The following PHF3 variants were observed in gnomAD, a reference collection of about 807,000 sequenced individuals.
PHF3 encodes PHD finger protein 3.
Under a neutral mutation model 178.4 loss-of-function variants are expected in PHF3, and 41 were observed. The observed-to-expected ratio is 0.23, with a 90% CI of 0.18 to 0.30. The LOEUF (loss-of-function observed/expected upper bound fraction) is 0.30, where lower values mean the gene tolerates loss of function less well. Ranked by LOEUF, PHF3 falls within the 10% of genes least tolerant of loss-of-function variation. The pLI, the probability that PHF3 is intolerant of heterozygous loss-of-function variation, is 1.00. For missense variants in PHF3, 2,346 were observed against 2,398.1 expected, an observed-to-expected ratio of 0.98 and a Z score of 0.45; for synonymous variants, 842 against 800.5, an observed-to-expected ratio of 1.05 and a Z score of -0.88.
intron 1 of PHF3, among the ~76,000 whole-genome samples, chr6:63,644,584 A>G (rs1764701714): frequency 6.6e-6 from 1 of 152,184 alleles, no homozygotes; most frequent in South Asian, 2.1e-4. Flanking sequence ...GCAAATCTGT[A>G]AAGTAGTTAG....
chr6:63,643,787 C>T (rs1764673039), intron 1 of PHF3, among the ~76,000 whole-genome samples: 1 of 152,070 alleles, frequency 6.6e-6, no homozygotes, highest in Non-Finnish European at 1.5e-5. Context: ...AAACTTGACC[C>T]ATTTTATTTA....
intron 2 of PHF3, among the ~76,000 whole-genome samples, chr6:63,673,259 T>C (rs1212861044): frequency 2.0e-5 from 3 of 152,146 alleles, no homozygotes; most frequent in Non-Finnish European, 2.9e-5. Flanking sequence ...AGAAAAGGAT[T>C]GAAAAGATAC....
intron 2 of PHF3, among the ~76,000 whole-genome samples, chr6:63,647,111 A>G (rs939202503): frequency 2.6e-5 from 4 of 152,068 alleles, no homozygotes; most frequent in African/African-American, 9.6e-5. Context: ...TTACATCATG[A>G]CAACAGGTGT....
Position 63,685,253 on chromosome 6 carries a change from G to T in PHF3, c.1531G>T (p.Ala511Ser), listed in dbSNP as rs181007367. ...MTTDAPKKIV[A>S]AKYEVIHSKT... ...CACAGATGCTCCGAAGAAAATTGTTGCAGCAAAGTATGAAGTAATACATAG... is the reference window on the plus strand; with the variant it reads ...CACAGATGCTCCGAAGAAAATTGTTTCAGCAAAGTATGAAGTAATACATAG... The change falls in exon 4 of 16, where the codon GCA becomes TCA. Residue 511 changes from alanine (A) to serine (S), a missense_variant. Transcript: ENST00000262043. 6.2e-7 allele frequency: 1 copy of T among 1,613,940 alleles called. No individual in the cohort carries two copies. Among genetic ancestry groups the T allele is most frequent in the East Asian group, 2.2e-5 (1 of 44,868 alleles).
chr6:63,700,194 A>C (rs1469685148), intron 8 of PHF3, among the ~76,000 whole-genome samples, 156 bp from the exon 9 acceptor site: 1 of 152,174 alleles, frequency 6.6e-6, no homozygotes, highest in Non-Finnish European at 1.5e-5. Flanking sequence ...CCTAGAACAC[A>C]AAGCTGTCAT....
At chr6:63,680,371 A>G (rs2149578275) in intron 3 of PHF3, among the ~76,000 whole-genome samples, 1 of 151,378 alleles carries the variant, frequency 6.6e-6, no homozygotes, top group South Asian at 2.1e-4. Context: ...CCCCAGGGGA[A>G]ACCACTAGTA....
intron 2 of PHF3, among the ~76,000 whole-genome samples, chr6:63,677,186 G>C (rs771014338): frequency 2.6e-5 from 4 of 152,078 alleles, no homozygotes. Flanking sequence ...CATGAGCTTC[G>C]GGCTGGAGAA....
Position 63,712,591 on chromosome 6 carries a change from A to G in PHF3, c.5003A>G (p.Lys1668Arg). 2 of 1,613,952 alleles carry G rather than the reference A, an allele frequency of 1.2e-6. No homozygotes were observed. The highest frequency in any genetic ancestry group is 8.5e-7 in the Non-Finnish European group (1 of 1,179,948). The change falls in exon 16 of 16, where the codon AAA becomes AGA. Residue 1668 changes from lysine to arginine, a missense_variant. By Grantham distance (26) the Lys-to-Arg change is conservative. Around this residue, in one of 8 missense-constraint regions of PHF3, gnomAD observed 839 missense variants for 806.9 expected, o/e 1.04. Coordinates refer to ENST00000262043, the MANE Select transcript of PHF3 (RefSeq NM_001370348.2). ...CAGCCTGTAACTACTTCAGAAAGCA[A>G]AGATGGAGATAGTTGCCGGAATGGA... ...RSQPVTTSES[K>R]DGDSCRNGEK...
rs777987645 is a variant in PHF3, at chr6:63,723,764, T to G, written c.*10056T>G. Among the ~76,000 whole-genome samples, 1 of 150,284 alleles carries G rather than the reference T, an allele frequency of 6.7e-6. No individual in the cohort carries two copies. The highest frequency in any genetic ancestry group is 1.5e-5 in the Non-Finnish European group (1 of 67,690). ...ATTGCGTTAGGATATGATGCTCTAG[T>G]TATGGGTCATAAGTACACATTGGCA... On this transcript the variant is annotated 3_prime_UTR_variant, in exon 16 of 16. Transcript: ENST00000262043.
chr6:63,706,307 G>C (rs2149606480), intron 12 of PHF3, 83 bp downstream of exon 12: 1 of 1,082,354 alleles, frequency 9.2e-7, no homozygotes, highest in Middle Eastern at 2.3e-4. Flanking sequence ...AAACAGAAAA[G>C]TGACATTTTG....
At position 63,721,705 on chromosome 6, in the gene PHF3, CT is replaced by C; in HGVS notation, c.*8002del. On this transcript the variant is annotated 3_prime_UTR_variant, in exon 16 of 16. Transcript: ENST00000262043. The stretch of plus-strand genomic sequence containing the variant: ...TGCCAAGTACTTCCGTTTATAGTTA[CT>C]TTTTGGAGAGTTTCTAGAATGATAG... 1.9e-6 allele frequency: 3 copies of C among 1,551,382 alleles called. No individual in the cohort carries two copies. The highest frequency in any genetic ancestry group is 2.6e-6 in the Non-Finnish European group (3 of 1,146,722).
In PHF3 at chr6:63,716,157, A is replaced by AG. The variant is rs780637036; in HGVS notation, c.*2451dup. 6.6e-6 allele frequency among the ~76,000 whole-genome samples: 1 copy of AG among 152,104 alleles called. No homozygotes were observed. Among genetic ancestry groups the AG allele is most frequent in the Non-Finnish European group, 1.5e-5 (1 of 68,002 alleles). ...TTAGTATAAACATTGGTCAACTCAAAGGTGAAGGCTTAGAGCTGAGGAAAC... is the reference window on the plus strand; with the variant it reads ...TTAGTATAAACATTGGTCAACTCAAAGGGTGAAGGCTTAGAGCTGAGGAAAC... On this transcript the variant is annotated 3_prime_UTR_variant, in exon 16 of 16. Transcript: ENST00000262043.
rs534446602 is a variant in PHF3, at chr6:63,640,857, G to T, written c.-26+4707G>T. On this transcript the variant is annotated intron_variant, in intron 1 of 15. Coordinates refer to ENST00000262043, the MANE Select transcript of PHF3 (RefSeq NM_001370348.2). ...GACATTTTTGGCTGGATAATTTTTT[G>T]TGTGTGTGTGGGGCTGTCCTAGTGC... 1.7e-3 allele frequency among the ~76,000 whole-genome samples: 253 copies of T among 152,194 alleles called. 1 individual carries two copies. The highest frequency in any genetic ancestry group is 4.1e-3 in the African/African-American group (172 of 41,510).
chr6:63,644,423 G>A (rs958499235), intron 1 of PHF3, among the ~76,000 whole-genome samples: 1 of 152,054 alleles, frequency 6.6e-6, no homozygotes, highest in Admixed American at 6.6e-5. Flanking sequence ...CATATTGGGC[G>A]TAAGTATTGG....
chr6:63,693,327 T>A (rs1767089721), intron 5 of PHF3, among the ~76,000 whole-genome samples: 1 of 152,164 alleles, frequency 6.6e-6, no homozygotes. Flanking sequence ...TAAAAAGACA[T>A]CATAAAGGCT....
chr6:63,653,108 G>A (rs1765089122), intron 2 of PHF3, among the ~76,000 whole-genome samples: 1 of 129,084 alleles, frequency 7.7e-6, no homozygotes, highest in Non-Finnish European at 1.6e-5. Context: ...AATGTTACTG[G>A]TATTTTGGTA....
chr6:63,683,674 A>T (rs1582069963), intron 3 of PHF3, among the ~76,000 whole-genome samples: 1 of 152,148 alleles, frequency 6.6e-6, no homozygotes, highest in East Asian at 1.9e-4. Context: ...TTGTGATAGG[A>T]GGTTTTTAGT....
intron 4 of PHF3, chr6:63,686,266 A>C (rs1020902226): frequency 1.5e-5 from 3 of 198,578 alleles, no homozygotes; most frequent in African/African-American, 6.9e-5. Flanking sequence ...TGTAAGTTAT[A>C]TATTAATTCA....
At position 63,715,086 on chromosome 6, in the gene PHF3, G is replaced by GT. The variant is rs1768144295; in HGVS notation, c.*1382dup. On this transcript the variant is annotated 3_prime_UTR_variant, in exon 16 of 16. Coordinates refer to ENST00000262043, the MANE Select transcript of PHF3 (RefSeq NM_001370348.2). ...TATAAATAATTCCACAAAATTGATT[G>GT]TTTTCCTAAAGAGCTTAAAGATTAG... 1 of 152,008 alleles carries GT rather than the reference G, an allele frequency of 6.6e-6. No individual in the cohort carries two copies. The highest frequency in any genetic ancestry group is 2.4e-5 in the African/African-American group (1 of 41,414). The allele number at this position is 152,008 out of a possible 1,614,324, so 9.4% of individuals were successfully genotyped here.
Sources: allele counts gnomAD v4.1 joint callset (sites outside exome capture counted in the v4.1 genomes callset), GRCh38; gene constraint gnomAD v4.1.1; regional missense constraint gnomAD v4.1.1; transcripts MANE v1.5; gene names NCBI Gene and HGNC (gene_info 2026-07-23, HGNC 2026-07-21).